The following ZNF438 variants were observed in gnomAD, a reference collection of about 807,000 sequenced individuals.
ZNF438 encodes the protein zinc finger protein 438.
ZNF438 carries 25 observed loss-of-function variants against 38.0 expected under a neutral mutation model. That is an observed-to-expected ratio of 0.66 (90% CI 0.48 to 0.92). The LOEUF (loss-of-function observed/expected upper bound fraction) is 0.92. ZNF438 is among the 40% of genes least tolerant of loss of function. ZNF438 has a pLI of 0.00. For missense variants in ZNF438, 1,007 were observed against 999.6 expected (o/e 1.01, Z -0.10); for synonymous variants, 372 against 364.1 (o/e 1.02, Z -0.25).
chr10:30,951,504 T>C (rs952206030), intron 1 of ZNF438, among the ~76,000 whole-genome samples: 3 of 152,236 alleles, frequency 2.0e-5, no homozygotes, highest in African/African-American at 7.2e-5. Flanking sequence ...AAAACCCCAT[T>C]GTCTCAGCCC....
At chr10:30,974,364 T>G (rs2051095625) in intron 1 of ZNF438, among the ~76,000 whole-genome samples, 2 of 152,206 alleles carry the variant, frequency 1.3e-5, no homozygotes, top group Admixed American at 1.3e-4. Context: ...TCCCAGCTAC[T>G]CAGGGGACTG....
At chr10:30,954,726 G>C (rs373452861) in intron 1 of ZNF438, among the ~76,000 whole-genome samples, 2 of 152,066 alleles carry the variant, frequency 1.3e-5, no homozygotes, top group African/African-American at 4.8e-5. Flanking sequence ...TTAATGGAGC[G>C]GGCTACAATT....
intron 1 of ZNF438, among the ~76,000 whole-genome samples, chr10:31,021,591 A>G (rs1339556504): frequency 4.0e-5 from 6 of 151,896 alleles, no homozygotes; most frequent in African/African-American, 1.5e-4. Context: ...TTTTTTTCTT[A>G]ATGATTTATT....
At chr10:30,872,425 CAAAA>C (rs566401687) in intron 4 of ZNF438, among the ~76,000 whole-genome samples, 1 of 58,686 alleles carries the variant, frequency 1.7e-5, no homozygotes, top group African/African-American at 6.0e-5. Context: ...GACTCTGTCT[CAAAA>C]AAAAAAAAAA....
intron 1 of ZNF438, among the ~76,000 whole-genome samples, chr10:30,989,311 C>G (rs2053209026): frequency 6.6e-6 from 1 of 152,148 alleles, no homozygotes; most frequent in African/African-American, 2.4e-5. Flanking sequence ...ATTTAAGGAG[C>G]TCCACCAAAA....
At chr10:31,004,531 A>C (rs548762104) in intron 1 of ZNF438, among the ~76,000 whole-genome samples, 1 of 152,286 alleles carries the variant, frequency 6.6e-6, no homozygotes, top group Non-Finnish European at 1.5e-5. Flanking sequence ...AGGGGGTTAA[A>C]AGGTTTGAGA....
intron 5 of ZNF438, among the ~76,000 whole-genome samples, chr10:30,847,839 C>T (rs377407911): frequency 6.6e-6 from 1 of 152,216 alleles, no homozygotes; most frequent in East Asian, 1.9e-4. Flanking sequence ...AGTGGCCAGA[C>T]CCCACGCTCA....
intron 2 of ZNF438, among the ~76,000 whole-genome samples, chr10:30,923,636 T>C (rs2044582100): frequency 6.6e-6 from 1 of 152,202 alleles, no homozygotes; most frequent in Admixed American, 6.5e-5. Context: ...CACATATAGG[T>C]GGATCTGTTT....
At chr10:30,863,756 G>A (rs2035962118) in intron 4 of ZNF438, among the ~76,000 whole-genome samples, 1 of 152,186 alleles carries the variant, frequency 6.6e-6, no homozygotes, top group African/African-American at 2.4e-5. Context: ...CCTCCTGGCT[G>A]AGCATCCACA....
chr10:30,856,210 A>G (rs2034600016), intron 4 of ZNF438, among the ~76,000 whole-genome samples: 1 of 152,228 alleles, frequency 6.6e-6, no homozygotes, highest in South Asian at 2.1e-4. Flanking sequence ...TCCGACAGGC[A>G]GTGCATAACT....
At chr10:30,878,596 C>T (rs2038791509) in intron 3 of ZNF438, among the ~76,000 whole-genome samples, 1 of 152,200 alleles carries the variant, frequency 6.6e-6, no homozygotes, top group Non-Finnish European at 1.5e-5. Context: ...CACACTAGCC[C>T]TTTGCCCTTG....
chr10:30,989,411 T>C (rs571690792), intron 1 of ZNF438, among the ~76,000 whole-genome samples: 6 of 152,310 alleles, frequency 3.9e-5, no homozygotes, highest in African/African-American at 1.2e-4. Flanking sequence ...ATTAACTTCT[T>C]TTAAAGAAGA....
intron 1 of ZNF438, 99 bp downstream of exon 2, chr10:30,984,270 G>A (rs984644078): frequency 6.6e-6 from 1 of 152,120 alleles, no homozygotes; most frequent in Non-Finnish European, 1.5e-5. Flanking sequence ...GTTAATTGCT[G>A]AAGTAAGATA....
intron 1 of ZNF438, among the ~76,000 whole-genome samples, chr10:31,000,075 C>T (rs762258224): frequency 9.2e-5 from 14 of 152,252 alleles, no homozygotes; most frequent in African/African-American, 1.7e-4. Context: ...CAACGAAATG[C>T]TTATTCCCAA....
At chr10:30,863,033 G>A (rs80065741) in intron 4 of ZNF438, among the ~76,000 whole-genome samples, 15 of 152,322 alleles carry the variant, frequency 9.8e-5, no homozygotes, top group African/African-American at 3.4e-4. Context: ...TTAACTCACA[G>A]TGATTTATAA....
At chr10:30,869,783 T>A (rs1443042944) in intron 4 of ZNF438, among the ~76,000 whole-genome samples, 1 of 152,230 alleles carries the variant, frequency 6.6e-6, no homozygotes, top group Non-Finnish European at 1.5e-5. Context: ...CACCACTTGT[T>A]AAGATCAAAA....
intron 1 of ZNF438, among the ~76,000 whole-genome samples, chr10:31,028,777 T>C (rs2057098976): frequency 6.6e-6 from 1 of 152,246 alleles, no homozygotes; most frequent in Admixed American, 6.5e-5. Flanking sequence ...CCCTAACATC[T>C]ACTACACAGC....
intron 1 of ZNF438, among the ~76,000 whole-genome samples, chr10:31,023,374 C>T (rs1377602451): frequency 6.6e-6 from 1 of 152,108 alleles, no homozygotes; most frequent in African/African-American, 2.4e-5. Context: ...ACAGCCTTCA[C>T]CATAATTTTT....
intron 1 of ZNF438, among the ~76,000 whole-genome samples, chr10:31,020,416 T>C (rs2056507163): frequency 6.6e-6 from 1 of 152,162 alleles, no homozygotes; most frequent in African/African-American, 2.4e-5. Context: ...GAAATTCTCA[T>C]TGGTTTACAA....
Sources: gnomAD v4.1 joint callset for allele counts (sites outside exome capture counted in the v4.1 genomes callset) on GRCh38, gnomAD v4.1.1 for gene constraint, MANE v1.5 for transcripts, NCBI Gene and HGNC (gene_info 2026-07-23, HGNC 2026-07-21) for gene names.